Variants in GSK3B observed in about 807,000 individuals in gnomAD.
The protein encoded by GSK3B is glycogen synthase kinase 3 beta, also known as glycogen synthase kinase-3 beta.
GSK3B carries 15 observed loss-of-function variants against 56.4 expected under a neutral mutation model. The observed-to-expected ratio is 0.27, with a 90% confidence interval of 0.18 to 0.41. The LOEUF (loss-of-function observed/expected upper bound fraction) is 0.41, where lower values mean the gene tolerates loss of function less well. Ranked by LOEUF, GSK3B falls within the 10% of genes least tolerant of loss-of-function variation. GSK3B has a pLI of 1.00. For synonymous variants in GSK3B, 181 were observed against 188.9 expected (o/e 0.96, Z 0.34); for missense variants, 300 against 513.4 (o/e 0.58, Z 4.02).
intron 3 of GSK3B, among the ~76,000 whole-genome samples, chr3:119,934,379 A>C (rs535964663): frequency 6.6e-6 from 1 of 152,332 alleles, no homozygotes; most frequent in African/African-American, 2.4e-5. Context: ...TTATCATTAA[A>C]AAAGCAGACA....
At chr3:119,895,298 A>G (rs75609636) in intron 7 of GSK3B, among the ~76,000 whole-genome samples, 9,263 of 152,172 alleles carry the variant, frequency 0.061, 345 homozygotes, top group South Asian at 0.15. Flanking sequence ...TGTAGTGGAT[A>G]TATATATACC....
chr3:120,085,805 T>G (rs2058458710), intron 1 of GSK3B, among the ~76,000 whole-genome samples: 1 of 150,512 alleles, frequency 6.6e-6, no homozygotes, highest in Non-Finnish European at 1.5e-5. Context: ...CATTCCGTCT[T>G]GAGAAAAAAA....
At chr3:120,072,952 G>A (rs567192911) in intron 1 of GSK3B, among the ~76,000 whole-genome samples, 27 of 152,128 alleles carry the variant, frequency 1.8e-4, no homozygotes, top group African/African-American at 5.8e-4. Flanking sequence ...CTGTACATTC[G>A]CATACTCTTA....
At chr3:119,872,945 G>A (rs1559817300) in intron 8 of GSK3B, among the ~76,000 whole-genome samples, 1 of 152,086 alleles carries the variant, frequency 6.6e-6, no homozygotes, top group Non-Finnish European at 1.5e-5. Context: ...ACCAATCTCT[G>A]TCTCTGCTTA....
In GSK3B at chr3:119,833,083, G is replaced by A. The variant is rs563559847; in HGVS notation, c.1196-6228C>T. The A allele has an allele frequency of 9.9e-4, 565 of 570,182 alleles. 1 individual carries two copies. The highest frequency in any genetic ancestry group is 1.2e-3 in the Admixed American group (19 of 15,770). The allele number at this position is 570,182 out of a possible 1,614,324, so 35.3% of individuals were successfully genotyped here. On this transcript the variant is annotated intron_variant, in intron 10 of 10. Transcript: ENST00000264235. ...CCACCCAAATGTTCAAGTCATAAAC[G>A]CAGAATTTCTTGCCTTGATTCCTTG...
intron 2 of GSK3B, among the ~76,000 whole-genome samples, chr3:119,986,860 G>A (rs2057521273): frequency 1.3e-5 from 2 of 152,158 alleles, no homozygotes; most frequent in African/African-American, 4.8e-5. Flanking sequence ...TATAAATCAT[G>A]CTACTATAAA....
Position 119,974,213 on chromosome 3 carries a change from G to C in GSK3B, c.283-26862C>G, listed in dbSNP as rs187189342. On this transcript the variant is annotated intron_variant, in intron 2 of 10. Transcript: ENST00000264235. ...CAAAATACGTATCTGATAAATGACT[G>C]TTACCCAAAACATACAAAGAATTCT... Among the ~76,000 whole-genome samples, 10 of 152,254 alleles carry C rather than the reference G, an allele frequency of 6.6e-5. No homozygotes were observed. The East Asian group carries it at 1.9e-3, about 29-fold the overall frequency.
At chr3:119,879,813 C>A (rs979056225) in intron 7 of GSK3B, among the ~76,000 whole-genome samples, 1 of 152,166 alleles carries the variant, frequency 6.6e-6, no homozygotes, top group Non-Finnish European at 1.5e-5. Flanking sequence ...AACAGGATCT[C>A]ATTCTTTATG....
At chr3:119,866,456 C>A in intron 8 of GSK3B, 2 of 727,000 alleles carry the variant, frequency 2.8e-6, no homozygotes, top group African/African-American at 1.8e-5. Context: ...TGAATAAAAA[C>A]AGAAATCACA....
At chr3:119,968,706 C>CA (rs796772164) in intron 2 of GSK3B, among the ~76,000 whole-genome samples, 35 of 147,992 alleles carry the variant, frequency 2.4e-4, no homozygotes, top group South Asian at 6.4e-4. Flanking sequence ...TGCAATATGC[C>CA]AAAAAAAAAT....
intron 8 of GSK3B, among the ~76,000 whole-genome samples, chr3:119,875,579 C>A (rs1654614280): frequency 6.6e-6 from 1 of 150,834 alleles, no homozygotes; most frequent in Non-Finnish European, 1.5e-5. Flanking sequence ...CACAAGCCAT[C>A]CATGTAATCT....
chr3:120,090,243 A>C (rs973223624), intron 1 of GSK3B, among the ~76,000 whole-genome samples: 142 of 152,068 alleles, frequency 9.3e-4, no homozygotes, highest in African/African-American at 3.4e-3. Flanking sequence ...AAAAAAAAAA[A>C]ATTAGGACTT....
At chr3:119,971,778 A>T (rs1490624088) in intron 2 of GSK3B, among the ~76,000 whole-genome samples, 1 of 149,306 alleles carries the variant, frequency 6.7e-6, no homozygotes, top group Non-Finnish European at 1.5e-5. Context: ...CGCCCGGCTA[A>T]TTTTTTGTAT....
intron 9 of GSK3B, among the ~76,000 whole-genome samples, chr3:119,846,408 C>A (rs572365137): frequency 1.3e-5 from 2 of 152,208 alleles, no homozygotes; most frequent in South Asian, 2.1e-4. Context: ...GGGCTAATAT[C>A]CAGAATCTAC....
chr3:120,024,492 A>C (rs2057907261), intron 1 of GSK3B, among the ~76,000 whole-genome samples: 7 of 152,136 alleles, frequency 4.6e-5, no homozygotes, highest in Admixed American at 4.6e-4. Context: ...TTACATTTTC[A>C]TTGCTACATT....
intron 2 of GSK3B, among the ~76,000 whole-genome samples, chr3:119,998,262 T>C (rs1255144830): frequency 1.3e-5 from 2 of 152,206 alleles, no homozygotes; most frequent in Non-Finnish European, 2.9e-5. Context: ...GGTTTCTGTC[T>C]TGGGCTTACT....
At chr3:119,889,948 A>G (rs553194324) in intron 7 of GSK3B, among the ~76,000 whole-genome samples, 1 of 152,232 alleles carries the variant, frequency 6.6e-6, no homozygotes, top group Admixed American at 6.5e-5. Flanking sequence ...AAAGAGGGGC[A>G]TTTCCTAATG....
At chr3:120,060,060 C>T (rs2058223797) in intron 1 of GSK3B, among the ~76,000 whole-genome samples, 1 of 152,218 alleles carries the variant, frequency 6.6e-6, no homozygotes, top group African/African-American at 2.4e-5. Flanking sequence ...AGGCATTACC[C>T]TGAACTCTGG....
intron 8 of GSK3B, among the ~76,000 whole-genome samples, chr3:119,871,687 T>G (rs982019565): frequency 6.7e-6 from 1 of 148,778 alleles, no homozygotes; most frequent in Admixed American, 6.7e-5. Flanking sequence ...GAAGGGGGAG[T>G]AGAGAGAGGG....
Sources: allele counts gnomAD v4.1 joint callset (sites outside exome capture counted in the v4.1 genomes callset), GRCh38; gene constraint gnomAD v4.1.1; transcripts MANE v1.5; gene names NCBI Gene and HGNC (gene_info 2026-07-23, HGNC 2026-07-21).